The following MCPH1 variants were observed in gnomAD, a reference collection of about 807,000 sequenced individuals.
MCPH1 encodes microcephalin 1.
MCPH1 carries 104 observed loss-of-function variants against 84.5 expected under a neutral mutation model. The observed-to-expected ratio is 1.23, with a 90% CI of 1.05 to 1.45. The LOEUF is 1.45. Among genes scored for constraint, MCPH1 ranks in the 40% most tolerant of loss-of-function variants. The pLI is 0.00. For synonymous variants in MCPH1, 514 were observed against 366.8 expected, an observed-to-expected ratio of 1.40 and a Z score of -4.58; for missense variants, 1,498 against 1,005.7, an observed-to-expected ratio of 1.49 and a Z score of -6.62.
At position 6,509,127 on chromosome 8, in the gene MCPH1, T is replaced by C. The variant is rs1326559152; in HGVS notation, c.2214+9198T>C. On this transcript the variant is annotated intron_variant, in intron 12 of 13. Coordinates refer to ENST00000344683, the MANE Select transcript of MCPH1 (RefSeq NM_024596.5). ...CATTGATTTACCGTAGTGGCAAATT[T>C]TTTGTGATGAAGAATTCCATTCTAC... 3.6e-5 allele frequency: 57 copies of C among 1,569,554 alleles called. No homozygotes were observed. In the East Asian group the frequency reaches 1.3e-3, roughly 35 times the overall value.
intron 12 of MCPH1, chr8:6,502,307 G>T (rs1812341865): frequency 6.6e-6 from 1 of 151,974 alleles, no homozygotes; most frequent in African/African-American, 2.4e-5. Context: ...CCCCTAATAA[G>T]TTATATTTAA....
At chr8:6,480,637 A>G (rs2129559782) in intron 10 of MCPH1, 77 bp from the exon 11 acceptor site, 1 of 1,533,692 alleles carries the variant, frequency 6.5e-7, no homozygotes, top group Non-Finnish European at 9.0e-7. Context: ...TATTAGTACT[A>G]ATATTGAGTG....
intron 6 of MCPH1, among the ~76,000 whole-genome samples, chr8:6,439,634 T>A (rs1440941803): frequency 1.3e-5 from 2 of 152,072 alleles, no homozygotes; most frequent in East Asian, 3.9e-4. Flanking sequence ...TAACCTCAGG[T>A]GATACACCCG....
rs1234075192 is a variant in MCPH1 at position 6,409,390 on chromosome 8, G to T, written c.114+20G>T. ...GCAAAGGTAAGACACTTATTTTGCTGTTGATTCATATGACAGTCTTCTGAT... is the reference window on the plus strand; with the variant it reads ...GCAAAGGTAAGACACTTATTTTGCTTTTGATTCATATGACAGTCTTCTGAT... On this transcript the variant is annotated intron_variant, in intron 2 of 13. Coordinates refer to ENST00000344683, the MANE Select transcript of MCPH1 (RefSeq NM_024596.5). 2.6e-6 allele frequency: 4 copies of T among 1,557,894 alleles called. No individual in the cohort carries two copies. The highest frequency in any genetic ancestry group is 3.4e-4 in the Middle Eastern group (2 of 5,956).
At chr8:6,528,911 T>A (rs1282333928) in intron 12 of MCPH1, among the ~76,000 whole-genome samples, 1 of 152,246 alleles carries the variant, frequency 6.6e-6, no homozygotes, top group Non-Finnish European at 1.5e-5. Context: ...AATAAAGTCC[T>A]TGGCCAACGT....
chr8:6,582,292 C>T (rs1370738051), intron 12 of MCPH1, among the ~76,000 whole-genome samples: 1 of 152,228 alleles, frequency 6.6e-6, no homozygotes, highest in African/African-American at 2.4e-5. Context: ...GGTTGGGCAT[C>T]AGCCACTTTA....
chr8:6,576,258 A>C lies in MCPH1; in HGVS notation c.2215-45196A>C, dbSNP rs183870900. Among the ~76,000 whole-genome samples, 185 of 152,124 alleles carry C rather than the reference A, an allele frequency of 1.2e-3. 1 individual carries two copies. The highest frequency in any genetic ancestry group is 7.5e-4 in the Non-Finnish European group (51 of 67,990). On this transcript the variant is annotated intron_variant, in intron 12 of 13. Transcript: ENST00000344683. The stretch of plus-strand genomic sequence containing the variant: ...TTTCCTAGAAGTACTAAGGCTCGTT[A>C]ATTGCAGCCACCCTATAAAAGAAGG...
intron 12 of MCPH1, among the ~76,000 whole-genome samples, chr8:6,542,607 A>AAG (rs1286929631): frequency 6.6e-6 from 1 of 152,006 alleles, no homozygotes; most frequent in African/African-American, 2.4e-5. Flanking sequence ...CTTAAAAAAA[A>AAG]AAAAGTGCTG....
At chr8:6,539,088 T>C (rs1821033626) in intron 12 of MCPH1, among the ~76,000 whole-genome samples, 1 of 152,110 alleles carries the variant, frequency 6.6e-6, no homozygotes, top group African/African-American at 2.4e-5. Context: ...AGCTGTGTAC[T>C]CAGCAGTACT....
chr8:6,559,415 T>A (rs1825169737), intron 12 of MCPH1, among the ~76,000 whole-genome samples: 1 of 152,182 alleles, frequency 6.6e-6, no homozygotes, highest in Admixed American at 6.5e-5. Flanking sequence ...TCATATATTA[T>A]TAAAAAGATA....
chr8:6,423,863 A>G (rs1037889736), intron 3 of MCPH1, among the ~76,000 whole-genome samples: 2 of 152,226 alleles, frequency 1.3e-5, no homozygotes, highest in African/African-American at 2.4e-5. Context: ...GTGAGTTATC[A>G]GTTCTTCTTT....
chr8:6,601,773 T>C, intron 12 of MCPH1, among the ~76,000 whole-genome samples: 1 of 147,920 alleles, frequency 6.8e-6, no homozygotes, highest in African/African-American at 2.5e-5. Context: ...ACACACCCAA[T>C]CACGTACCAC....
intron 12 of MCPH1, among the ~76,000 whole-genome samples, chr8:6,613,453 G>C (rs1254497714): frequency 6.6e-6 from 1 of 152,262 alleles, no homozygotes; most frequent in East Asian, 1.9e-4. Context: ...TCACGGGGGG[G>C]TGGTGGGCTG....
rs1245486676 is a variant in MCPH1, at chr8:6,472,373, C to T, written c.1936-5221C>T. ...CAATAGTAACACATCAAATGGATCT[C>T]CTAATTATTTCAAGCATCTGTTTTT... On this transcript the variant is annotated intron_variant, in intron 9 of 13. Transcript: ENST00000344683. Among the ~76,000 whole-genome samples the T allele has an allele frequency of 2.0e-5, 3 of 152,164 alleles. No individual in the cohort carries two copies. In the East Asian group the frequency reaches 5.8e-4, roughly 29 times the overall value.
intron 11 of MCPH1, among the ~76,000 whole-genome samples, chr8:6,489,182 A>C (rs1414373694): frequency 6.6e-6 from 1 of 152,170 alleles, no homozygotes; most frequent in Non-Finnish European, 1.5e-5. Context: ...ATATATGTAC[A>C]AATATTCAGA....
intron 5 of MCPH1, 123 bp downstream of exon 5, chr8:6,436,285 G>C: frequency 9.0e-7 from 1 of 1,105,494 alleles, no homozygotes; most frequent in Non-Finnish European, 1.3e-6. Context: ...TTTACTCTAT[G>C]AAGGAGAAAA....
intron 9 of MCPH1, among the ~76,000 whole-genome samples, chr8:6,470,077 G>A (rs1025311033): frequency 1.3e-5 from 2 of 152,002 alleles, no homozygotes; most frequent in African/African-American, 4.8e-5. Context: ...GAAAAGGGTT[G>A]TTTTTCTTCT....
At chr8:6,495,866 C>G (rs1420723912) in intron 11 of MCPH1, among the ~76,000 whole-genome samples, 2 of 152,180 alleles carry the variant, frequency 1.3e-5, no homozygotes, top group African/African-American at 4.8e-5. Context: ...ATTCCTATGG[C>G]TTACGACTGT....
intron 12 of MCPH1, among the ~76,000 whole-genome samples, chr8:6,595,638 T>G (rs1210309334): frequency 6.6e-6 from 1 of 152,180 alleles, no homozygotes; most frequent in African/African-American, 2.4e-5. Context: ...CAGAGCATCG[T>G]TCCAGCTGCT....
Sources: allele counts gnomAD v4.1 joint callset (sites outside exome capture counted in the v4.1 genomes callset), GRCh38; gene constraint gnomAD v4.1.1; transcripts MANE v1.5; gene names NCBI Gene and HGNC (gene_info 2026-07-23, HGNC 2026-07-21).